The following ACOT9 variants were observed in gnomAD, a reference collection of about 807,000 sequenced individuals.
The protein encoded by ACOT9 is acyl-CoA thioesterase 9.
ACOT9 carries 34 observed loss-of-function variants against 39.7 expected under a neutral mutation model. The ratio of observed to expected loss-of-function variants is 0.86; its 90% CI spans 0.65 to 1.14. ACOT9 has a LOEUF of 1.14. ACOT9 is among the 50% of genes most tolerant of loss of function. The pLI is 0.00. For synonymous variants in ACOT9, 110 were observed against 120.5 expected (o/e 0.91, Z 0.57); for missense variants, 313 against 344.1 (o/e 0.91, Z 0.71).
In ACOT9 at chrX:23,722,690, G is replaced by A. The variant is rs1752463001; in HGVS notation, c.464C>T (p.Thr155Ile). 8.4e-7 allele frequency: 1 copy of A among 1,194,594 alleles called. No homozygotes were observed. The highest frequency in any genetic ancestry group is 1.8e-5 in the African/African-American group (1 of 56,815). ...CTTACCAATCTTATCCACCAGGGCT[G>A]TAACTATCGATAAAGGAGACATCTT... ...SAKMSPLSIV[T>I]ALVDKIDMCK... is the part of the protein sequence containing the mutation. The change falls in exon 7 of 16, where the codon ACA becomes ATA. Residue 155 changes from threonine (T) to isoleucine (I), a missense_variant. By Grantham distance (89) the Thr-to-Ile change is moderately conservative. Coordinates refer to ENST00000379303, the MANE Select transcript of ACOT9 (RefSeq NM_001037171.2).
rs1360352446 is a variant in ACOT9 at position 23,731,547 on chromosome X, C to CA, written c.192-562dup. Reference sequence around the variant, plus strand: ...AAATGAGCCATATATTCACCCTTATCAAAAAGTTTACTCAAAGACCAGAAT... The same window carrying CA: ...AAATGAGCCATATATTCACCCTTATCAAAAAAGTTTACTCAAAGACCAGAAT... On this transcript the variant is annotated intron_variant, in intron 4 of 15. Transcript: ENST00000379303. 5.3e-4 allele frequency among the ~76,000 whole-genome samples: 58 copies of CA among 108,785 alleles called. No individual in the cohort carries two copies. In the Admixed American group the frequency reaches 5.7e-3, roughly 11 times the overall value. 94.5% of individuals were successfully genotyped at this position (108,785 alleles called of 115,157 possible). A position where few individuals can be genotyped will look rare whatever the true frequency, so the allele number is the denominator to read the frequency against.
chrX:23,735,835 A>G (rs1175715524), intron 2 of ACOT9, 84 bp downstream of exon 2: 12 of 830,139 alleles, frequency 1.4e-5, no homozygotes, highest in Non-Finnish European at 2.1e-5. Context: ...CATTTGCTCT[A>G]AACTATCACT....
chrX:23,739,120 T>G (rs1333133937), intron 1 of ACOT9, among the ~76,000 whole-genome samples: 1 of 111,278 alleles, frequency 9.0e-6, no homozygotes, highest in Admixed American at 9.6e-5. Context: ...TAGCTGGGCA[T>G]GCTGGCGGGC....
At chrX:23,722,376 C>T (rs1485787537) in intron 7 of ACOT9, among the ~76,000 whole-genome samples, 2 of 110,753 alleles carry the variant, frequency 1.8e-5, no homozygotes, top group Non-Finnish European at 3.8e-5. Context: ...CCAGCCTGGC[C>T]GACATGGTGT....
rs1921001753 is a variant in ACOT9, at chrX:23,743,193, G to A, written c.-49C>T. On this transcript the variant is annotated 5_prime_UTR_variant, in exon 1 of 16. Transcript: ENST00000379303. ...ATGGAGAACCGGGCCCCGCGCGCTA[G>A]TCGGCGGAGGGAAACTGAGGCGATA... The A allele has an allele frequency of 8.7e-7, 1 of 1,142,920 alleles. No homozygotes were observed. Among genetic ancestry groups the A allele is most frequent in the South Asian group, 2.0e-5 (1 of 50,211 alleles). The allele number at this position is 1,142,920 out of a possible 1,213,427, so 94.2% of individuals were successfully genotyped here.
intron 6 of ACOT9, among the ~76,000 whole-genome samples, chrX:23,726,579 A>T (rs1929531042): frequency 8.9e-6 from 1 of 111,857 alleles, no homozygotes; most frequent in Admixed American, 9.6e-5. Flanking sequence ...CAATGAGAGC[A>T]GGTGATTTTC....
chrX:23,713,191 A>G lies in ACOT9; in HGVS notation c.606T>C (p.Phe202=), dbSNP rs1601807715. Residue 202 remains phenylalanine, a synonymous_variant, in exon 9 of 16, where the codon TTT becomes TTC. Transcript: ENST00000379303. ...MQMFQLHGDE[F]CPVLDATFVM... The stretch of plus-strand genomic sequence containing the variant: ...CAAATGTTGCATCCAAAACAGGACA[A>G]AATTCATCACCATGTAACTGAAGAA... 1 of 1,204,340 alleles carries G rather than the reference A, an allele frequency of 8.3e-7. No homozygotes were observed. Among genetic ancestry groups the G allele is most frequent in the African/African-American group, 1.7e-5 (1 of 57,228 alleles).
chrX:23,730,984 T>G lies in ACOT9; in HGVS notation c.194A>C (p.Asp65Ala). 8.3e-7 allele frequency: 1 copy of G among 1,206,043 alleles called. No homozygotes were observed. Among genetic ancestry groups the G allele is most frequent in the Non-Finnish European group, 1.1e-6 (1 of 892,545 alleles). Reference sequence around the variant, plus strand: ...CCTTTCTTCCATTGCCTTCACATGGTCTCTGAGAAGAAAGGATGCAGGATT... The same window carrying G: ...CCTTTCTTCCATTGCCTTCACATGGGCTCTGAGAAGAAAGGATGCAGGATT... ...EIVGASTNWR[D>A]HVKAMEERKL... Residue 65 changes from aspartate to alanine, a missense_variant and splice_region_variant, in exon 5 of 16, where the codon GAC becomes GCC. Physicochemically the swap from Asp to Ala is moderately radical, Grantham distance 126 (BLOSUM62 -2). Transcript: ENST00000379303.
At chrX:23,731,015 A>T in intron 4 of ACOT9, 29 bp from the exon 5 acceptor site, 1 of 1,179,071 alleles carries the variant, frequency 8.5e-7, no homozygotes, top group Non-Finnish European at 1.1e-6. Flanking sequence ...GGATTCATAA[A>T]ACAAGAGCAG....
At chrX:23,711,304 T>G (rs111447105) in intron 9 of ACOT9, among the ~76,000 whole-genome samples, 1 of 109,672 alleles carries the variant, frequency 9.1e-6, no homozygotes, top group Non-Finnish European at 1.9e-5. Flanking sequence ...TGTGGGTGAC[T>G]GAGCGAGACT....
At chrX:23,708,597 T>C (rs1365433249) in intron 9 of ACOT9, among the ~76,000 whole-genome samples, 1 of 111,594 alleles carries the variant, frequency 9.0e-6, no homozygotes, top group Non-Finnish European at 1.9e-5. Context: ...TATCAATTTT[T>C]GAAAGACAGC....
At chrX:23,724,883 G>C (rs1402195772) in intron 6 of ACOT9, among the ~76,000 whole-genome samples, 6 of 111,095 alleles carry the variant, frequency 5.4e-5, no homozygotes, top group African/African-American at 2.0e-4. Flanking sequence ...GTTGCAGTAG[G>C]CTATGATTTT....
chrX:23,714,772 G>T (rs927329653), intron 8 of ACOT9, among the ~76,000 whole-genome samples: 1 of 110,591 alleles, frequency 9.0e-6, no homozygotes, highest in Middle Eastern at 4.6e-3. Context: ...CCATAGGCAT[G>T]CACCACCACA....
intron 5 of ACOT9, 104 bp downstream of exon 5, chrX:23,730,712 C>A: frequency 1.0e-6 from 1 of 971,002 alleles, no homozygotes; most frequent in Non-Finnish European, 1.4e-6. Context: ...AACCATGGAA[C>A]TGTACACTTT....
At chrX:23,706,082 T>C (rs1487259706) in intron 11 of ACOT9, among the ~76,000 whole-genome samples, 8 of 110,242 alleles carry the variant, frequency 7.3e-5, no homozygotes, top group East Asian at 2.8e-4. Flanking sequence ...CTGGCCAACG[T>C]GGTGAAACCC....
At chrX:23,736,916 T>C (rs890634801) in intron 1 of ACOT9, among the ~76,000 whole-genome samples, 1 of 112,333 alleles carries the variant, frequency 8.9e-6, no homozygotes, top group Non-Finnish European at 1.9e-5. Context: ...CATTGACTCC[T>C]AATCACACAA....
chrX:23,737,987 A>G (rs192314065), intron 1 of ACOT9, among the ~76,000 whole-genome samples: 7,972 of 104,843 alleles, frequency 0.076, 406 homozygotes, highest in East Asian at 0.25. Context: ...TCCTGCCTCA[A>G]CCTCCCGAGT....
chrX:23,716,333 T>G (rs1021733236), intron 8 of ACOT9, among the ~76,000 whole-genome samples: 1 of 112,287 alleles, frequency 8.9e-6, no homozygotes, highest in Non-Finnish European at 1.9e-5. Context: ...CCAGACTATT[T>G]TGGATTTTCG....
At chrX:23,730,092 ATTTTTT>A (rs34896210) in intron 6 of ACOT9, among the ~76,000 whole-genome samples, 8 of 78,500 alleles carry the variant, frequency 1.0e-4, no homozygotes, top group African/African-American at 3.6e-4. Context: ...AGTAGATGCC[ATTTTTT>A]TTTTTTTTTT....
Sources: allele counts gnomAD v4.1 joint callset (sites outside exome capture counted in the v4.1 genomes callset), GRCh38; gene constraint gnomAD v4.1.1; transcripts MANE v1.5; gene names NCBI Gene and HGNC (gene_info 2026-07-23, HGNC 2026-07-21).